Variants in NEUROG1 observed in about 807,000 individuals in gnomAD.
NEUROG1 encodes neurogenin 1.
A neutral mutation model predicts 5.7 loss-of-function variants in NEUROG1; 5 were observed. The ratio of observed to expected loss-of-function variants is 0.88; its 90% confidence interval spans 0.46 to 1.85. The LOEUF is 1.85. Among genes scored for constraint, NEUROG1 ranks in the 40% most tolerant of loss-of-function variants. The pLI is 0.01. For missense variants in NEUROG1, 403 were observed against 345.7 expected (o/e 1.17, Z -1.32); for synonymous variants, 196 against 157.4 (o/e 1.25, Z -1.84).
rs1319522529 is a variant in NEUROG1 at position 135,535,426 on chromosome 5, G to A, written c.265C>T (p.Leu89=). ...GCCTTGACGCGCCGGCTCCTGCGCAGCGAGTGCAGCAGCGCCTCGGAGCGG... is the reference window on the plus strand; with the variant it reads ...GCCTTGACGCGCCGGCTCCTGCGCAACGAGTGCAGCAGCGCCTCGGAGCGG... ...RVRSEALLHS[L]RRSRRVKAND... The change falls in exon 1 of 1, where the codon CTG becomes TTG. Residue 89 remains leucine (L), a synonymous_variant. Transcript: ENST00000314744. 3 of 1,595,544 alleles carry A rather than the reference G, an allele frequency of 1.9e-6. No individual in the cohort carries two copies. Among genetic ancestry groups the A allele is most frequent in the African/African-American group, 1.3e-5 (1 of 74,356 alleles).
chr5:135,534,448 G>A lies in NEUROG1; in HGVS notation c.*529C>T, dbSNP rs1307720397. ...GCCCTGTGCCTGAATAGCTAAGCAA[G>A]AGTCTCCAGTTCTTCCTAGAGCGAG... is the stretch of plus-strand genomic sequence containing the variant. On this transcript the variant is annotated 3_prime_UTR_variant, in exon 1 of 1. Transcript: ENST00000314744. 1.9e-5 allele frequency: 3 copies of A among 154,866 alleles called. No homozygotes were observed. The allele number at this position is 154,866 out of a possible 1,614,324, so 9.6% of individuals were successfully genotyped here.
Position 135,534,700 on chromosome 5 carries a change from CA to C in NEUROG1, c.*276del. The C allele has an allele frequency of 2.2e-6, 1 of 451,424 alleles. No individual in the cohort carries two copies. The highest frequency in any genetic ancestry group is 3.9e-6 in the Non-Finnish European group (1 of 256,308). The allele number at this position is 451,424 out of a possible 1,614,324, so 28.0% of individuals were successfully genotyped here. A position where few individuals can be genotyped will look rare whatever the true frequency, so the allele number is the denominator to read the frequency against. Reference sequence around the variant, plus strand: ...GTGGTGGCTGGGGTCAGTTCTGAGCCAGTCACAAAGGAGGTTTTGTGGAGTT... The same window carrying C: ...GTGGTGGCTGGGGTCAGTTCTGAGCCGTCACAAAGGAGGTTTTGTGGAGTT... On this transcript the variant is annotated 3_prime_UTR_variant, in exon 1 of 1. Coordinates refer to ENST00000314744, the MANE Select transcript of NEUROG1 (RefSeq NM_006161.3).
chr5:135,535,505 T>C lies in NEUROG1; in HGVS notation c.186A>G (p.Pro62=), dbSNP rs556443304. The C allele has an allele frequency of 5.5e-5, 87 of 1,576,608 alleles. No homozygotes were observed. The South Asian group carries it at 6.8e-4, about 12-fold the overall frequency. The stretch of plus-strand genomic sequence containing the variant: ...TCTCCTGCTCGTCGTCCTGTGCCCC[T>C]GGAACCTCAGACGCCCGGGAGATAT... ...APNISRASEV[P]GAQDDEQERR... The change falls in exon 1 of 1, where the codon CCA becomes CCG. Residue 62 remains proline, a synonymous_variant. Transcript: ENST00000314744.
rs1289871009 is a variant in NEUROG1 at position 135,534,309 on chromosome 5, C to A, written c.*668G>T. The A allele has an allele frequency of 6.6e-6, 1 of 152,496 alleles. No homozygotes were observed. Among genetic ancestry groups the A allele is most frequent in the African/African-American group, 2.4e-5 (1 of 41,406 alleles). The allele number at this position is 152,496 out of a possible 1,614,324, so 9.4% of individuals were successfully genotyped here. On this transcript the variant is annotated 3_prime_UTR_variant, in exon 1 of 1. Coordinates refer to ENST00000314744, the MANE Select transcript of NEUROG1 (RefSeq NM_006161.3). The stretch of plus-strand genomic sequence containing the variant: ...ATTTTTAGTTTTTATTTACATGAAG[C>A]GTCTGCAGTACAAAAATGTAAACTT...
In NEUROG1 at chr5:135,535,503, C is replaced by A; in HGVS notation, c.188G>T (p.Gly63Val). ...PNISRASEVPGAQDDEQERRR... is the reference protein window; with the variant it reads ...PNISRASEVPVAQDDEQERRR... ...CCTCTCCTGCTCGTCGTCCTGTGCC[C>A]CTGGAACCTCAGACGCCCGGGAGAT... Residue 63 changes from glycine to valine, a missense_variant, in exon 1 of 1, where the codon GGG becomes GTG. Coordinates refer to ENST00000314744, the MANE Select transcript of NEUROG1 (RefSeq NM_006161.3). 6.3e-7 allele frequency: 1 copy of A among 1,576,952 alleles called. No homozygotes were observed. Among genetic ancestry groups the A allele is most frequent in the East Asian group, 2.3e-5 (1 of 42,938 alleles).
In NEUROG1 at chr5:135,535,235, A is replaced by G; in HGVS notation, c.456T>C (p.Asp152=). 1 of 1,612,990 alleles carries G rather than the reference A, an allele frequency of 6.2e-7. No homozygotes were observed. Among genetic ancestry groups the G allele is most frequent in the Non-Finnish European group, 8.5e-7 (1 of 1,179,546 alleles). The part of the protein sequence containing the change: ...WALAETLRLA[D]QGLPGGGARE... ...GGGCACCGCCTCCGGGCAGCCCTTG[A>G]TCCGCCAGGCGCAGTGTCTCGGCCA... The change falls in exon 1 of 1, where the codon GAT becomes GAC. Residue 152 remains aspartate, a synonymous_variant. Coordinates refer to ENST00000314744, the MANE Select transcript of NEUROG1 (RefSeq NM_006161.3).
chr5:135,535,135 AG>A lies in NEUROG1; in HGVS notation c.555del (p.Trp186GlyfsTer65). The A allele has an allele frequency of 6.2e-7, 1 of 1,609,314 alleles. No individual in the cohort carries two copies. The highest frequency in any genetic ancestry group is 1.1e-5 in the South Asian group (1 of 90,384). On this transcript the variant is annotated frameshift_variant, in exon 1 of 1. Transcript: ENST00000314744. LOFTEE classifies it high-confidence loss of function. ...GPPSPASDAE[S>X]WGSGAAAASP... is the part of the protein sequence containing the mutation. ...GAGGCGGCGGCGGCACCTGAGCCCC[AG>A]GACTCCGCGTCGCTGGCGGGGCTTG...
Position 135,535,106 on chromosome 5 carries a change from C to T in NEUROG1, c.585G>A (p.Pro195=), listed in dbSNP as rs757284624. 2.5e-6 allele frequency: 4 copies of T among 1,610,874 alleles called. No homozygotes were observed. The highest frequency in any genetic ancestry group is 1.7e-5 in the Admixed American group (1 of 59,726). Residue 195 remains proline, a synonymous_variant, in exon 1 of 1, where the codon CCG becomes CCA. Coordinates refer to ENST00000314744, the MANE Select transcript of NEUROG1 (RefSeq NM_006161.3). ...CGGCTGGGCTACTGGGGTCAGAGAG[C>T]GGGGAGGCGGCGGCGGCACCTGAGC... ...SWGSGAAAAS[P]LSDPSSPAAS...
chr5:135,535,592 G>C lies in NEUROG1; in HGVS notation c.99C>G (p.Ala33=). 2 of 1,592,296 alleles carry C rather than the reference G, an allele frequency of 1.3e-6. No homozygotes were observed. Among genetic ancestry groups the C allele is most frequent in the South Asian group, 1.1e-5 (1 of 88,794 alleles). ...SGFLTDEEDC[A]RLQQAASASG... ...AAGCGGAGGCTGCCTGTTGGAGTCTGGCACAGTCTTCCTCGTCGGTGAGGA... is the reference window on the plus strand; with the variant it reads ...AAGCGGAGGCTGCCTGTTGGAGTCTCGCACAGTCTTCCTCGTCGGTGAGGA... The change falls in exon 1 of 1, where the codon GCC becomes GCG. Residue 33 remains alanine, a synonymous_variant. Transcript: ENST00000314744.
chr5:135,535,920 A>G lies in NEUROG1; in HGVS notation c.-230T>C, dbSNP rs779809971. 2.1e-4 allele frequency: 95 copies of G among 455,470 alleles called. No individual in the cohort carries two copies. Among genetic ancestry groups the G allele is most frequent in the Non-Finnish European group, 3.2e-4 (83 of 258,352 alleles). The allele number at this position is 455,470 out of a possible 1,614,324, so 28.2% of individuals were successfully genotyped here. On this transcript the variant is annotated 5_prime_UTR_variant, in exon 1 of 1. Transcript: ENST00000314744. ...ACGCGCCCGGCCGGTCTCCTGAGTG[A>G]TGTCGCCGGCGATCAGATCAGCTCG...
In NEUROG1 at chr5:135,535,942, C is replaced by T. The variant is rs1237902642; in HGVS notation, c.-252G>A. 6 of 426,052 alleles carry T rather than the reference C, an allele frequency of 1.4e-5. No homozygotes were observed. Among genetic ancestry groups the T allele is most frequent in the Non-Finnish European group, 2.5e-5 (6 of 241,292 alleles). 26.4% of individuals were successfully genotyped at this position (426,052 alleles called of 1,614,324 possible). A position where few individuals can be genotyped will look rare whatever the true frequency, so the allele number is the denominator to read the frequency against. On this transcript the variant is annotated 5_prime_UTR_variant, in exon 1 of 1. Transcript: ENST00000314744. ...GTGATGTCGCCGGCGATCAGATCAGCTCGTGTGAGCACCGAGTGTGGCACA... is the reference window on the plus strand; with the variant it reads ...GTGATGTCGCCGGCGATCAGATCAGTTCGTGTGAGCACCGAGTGTGGCACA...
At position 135,535,446 on chromosome 5, in the gene NEUROG1, G is replaced by T; in HGVS notation, c.245C>A (p.Ser82Tyr). ...GCGCAGCGAGTGCAGCAGCGCCTCG[G>T]AGCGGACCCGCGTCCGGCCGCGGCG... is the stretch of plus-strand genomic sequence containing the variant. ...RRRRGRTRVRSEALLHSLRRS... is the reference protein window; with the variant it reads ...RRRRGRTRVRYEALLHSLRRS... Residue 82 changes from serine (S) to tyrosine (Y), a missense_variant, in exon 1 of 1, where the codon TCC becomes TAC. Transcript: ENST00000314744. The T allele has an allele frequency of 6.3e-7, 1 of 1,577,692 alleles. No homozygotes were observed. The highest frequency in any genetic ancestry group is 8.6e-7 in the Non-Finnish European group (1 of 1,164,474).
chr5:135,534,503 T>C lies in NEUROG1; in HGVS notation c.*474A>G, dbSNP rs1439166759. On this transcript the variant is annotated 3_prime_UTR_variant, in exon 1 of 1. Transcript: ENST00000314744. ...CAGTGGTGGGGGTCGGGATCCATAA[T>C]GCATGAAGCCCACTCCTTGTCTCTG... 6.3e-6 allele frequency: 1 copy of C among 158,536 alleles called. No individual in the cohort carries two copies. Among genetic ancestry groups the C allele is most frequent in the Non-Finnish European group, 1.4e-5 (1 of 71,850 alleles). 9.8% of individuals were successfully genotyped at this position (158,536 alleles called of 1,614,324 possible).
chr5:135,534,945 G>C lies in NEUROG1; in HGVS notation c.*32C>G, dbSNP rs1362993024. Reference sequence around the variant, plus strand: ...CCCCATCTATTGCCTGCTGACTAGGGGAGGGGGAAAGTAACAGTGTCTACA... The same window carrying C: ...CCCCATCTATTGCCTGCTGACTAGGCGAGGGGGAAAGTAACAGTGTCTACA... On this transcript the variant is annotated 3_prime_UTR_variant, in exon 1 of 1. Coordinates refer to ENST00000314744, the MANE Select transcript of NEUROG1 (RefSeq NM_006161.3). 6.3e-7 allele frequency: 1 copy of C among 1,597,980 alleles called. No homozygotes were observed. The highest frequency in any genetic ancestry group is 2.3e-5 in the East Asian group (1 of 44,036).
chr5:135,534,720 T>C lies in NEUROG1; in HGVS notation c.*257A>G. On this transcript the variant is annotated 3_prime_UTR_variant, in exon 1 of 1. Transcript: ENST00000314744. ...TGAGCCAGTCACAAAGGAGGTTTTG[T>C]GGAGTTCAGAAAGTGCAAAAGGAAA... is the stretch of plus-strand genomic sequence containing the variant. The C allele has an allele frequency of 2.0e-6, 1 of 495,478 alleles. No individual in the cohort carries two copies. Among genetic ancestry groups the C allele is most frequent in the East Asian group, 3.6e-5 (1 of 28,124 alleles). The allele number at this position is 495,478 out of a possible 1,614,324, so 30.7% of individuals were successfully genotyped here. A position where few individuals can be genotyped will look rare whatever the true frequency, so the allele number is the denominator to read the frequency against.
Position 135,535,107 on chromosome 5 carries a change from G to C in NEUROG1, c.584C>G (p.Pro195Arg), listed in dbSNP as rs1580681876. 3.1e-6 allele frequency: 5 copies of C among 1,611,606 alleles called. No individual in the cohort carries two copies. The highest frequency in any genetic ancestry group is 2.2e-5 in the East Asian group (1 of 44,816). Residue 195 changes from proline (P) to arginine (R), a missense_variant, in exon 1 of 1, where the codon CCG (proline) becomes CGG (arginine). Transcript: ENST00000314744. ...GGCTGGGCTACTGGGGTCAGAGAGCGGGGAGGCGGCGGCGGCACCTGAGCC... is the reference window on the plus strand; with the variant it reads ...GGCTGGGCTACTGGGGTCAGAGAGCCGGGAGGCGGCGGCGGCACCTGAGCC... Reference protein sequence around the residue: ...SWGSGAAAASPLSDPSSPAAS... With the variant: ...SWGSGAAAASRLSDPSSPAAS...
At position 135,535,319 on chromosome 5, in the gene NEUROG1, G is replaced by T; in HGVS notation, c.372C>A (p.Asp124Glu). 6.2e-7 allele frequency: 1 copy of T among 1,613,624 alleles called. No individual in the cohort carries two copies. ...ALRSVLPSFP[D>E]DTKLTKIETL... is the part of the protein sequence containing the mutation. ...TCTCGATTTTGGTGAGCTTGGTGTC[G>T]TCGGGGAACGAGGGCAGCACGCTGC... Residue 124 changes from aspartate to glutamate, a missense_variant, in exon 1 of 1, where the codon GAC becomes GAA. Transcript: ENST00000314744.
chr5:135,535,907 G>A lies in NEUROG1; in HGVS notation c.-217C>T. ...GCCTGCAGGGGCCACGCGCCCGGCC[G>A]GTCTCCTGAGTGATGTCGCCGGCGA... is the stretch of plus-strand genomic sequence containing the variant. On this transcript the variant is annotated 5_prime_UTR_variant, in exon 1 of 1. Coordinates refer to ENST00000314744, the MANE Select transcript of NEUROG1 (RefSeq NM_006161.3). 1 of 474,480 alleles carries A rather than the reference G, an allele frequency of 2.1e-6. No individual in the cohort carries two copies. The highest frequency in any genetic ancestry group is 3.7e-6 in the Non-Finnish European group (1 of 269,564). 29.4% of individuals were successfully genotyped at this position (474,480 alleles called of 1,614,324 possible).
In NEUROG1 at chr5:135,535,681, G is replaced by T. The variant is rs1350642618; in HGVS notation, c.10C>A (p.Arg4Ser). The change falls in exon 1 of 1, where the codon CGC (arginine) becomes AGC (serine). Residue 4 changes from arginine (R) to serine (S), a missense_variant. Transcript: ENST00000314744. ...AGGTCGGAGATGCAGGTCTCAAGGC[G>T]GGCTGGCATCGTTGCGCTGTGCAGG... MPA[R>S]LETCISDLDC... The T allele has an allele frequency of 6.4e-7, 1 of 1,561,208 alleles. No homozygotes were observed. The highest frequency in any genetic ancestry group is 2.4e-5 in the East Asian group (1 of 42,534).
Sources: gnomAD v4.1 joint callset for allele counts on GRCh38, gnomAD v4.1.1 for gene constraint, MANE v1.5 for transcripts, NCBI Gene and HGNC (gene_info 2026-07-23, HGNC 2026-07-21) for gene names.